Variants in DMD observed in about 807,000 individuals in gnomAD.
DMD encodes the protein mutant dystrophin.
A neutral mutation model predicts 330.1 loss-of-function variants in DMD; 63 were observed. That is an observed-to-expected ratio of 0.19 (90% confidence interval 0.16 to 0.24). The LOEUF (loss-of-function observed/expected upper bound fraction) is 0.24, where lower values mean the gene tolerates loss of function less well. Among genes scored for constraint, DMD ranks in the 10% least tolerant of loss-of-function variants. DMD has a pLI of 1.00. For synonymous variants in DMD, 1,223 were observed against 959.8 expected, an observed-to-expected ratio of 1.27 and a Z score of -5.07; for missense variants, 3,344 against 2,684.1, an observed-to-expected ratio of 1.25 and a Z score of -5.43.
chrX:32,969,208 T>TTTTCCTTTTTGAGAC (rs2092297029), intron 2 of DMD, among the ~76,000 whole-genome samples: 7 of 93,487 alleles, frequency 7.5e-5, no homozygotes, highest in South Asian at 5.5e-4. Flanking sequence ...TTCTGCTCTT[T>TTTTCCTTTTTGAGAC]ATAAACCACC....
chrX:33,105,644 TA>T lies in DMD; in HGVS notation c.32-85445del, dbSNP rs781260142. On this transcript the variant is annotated intron_variant, in intron 1 of 78. Coordinates refer to ENST00000357033, the MANE Select transcript of DMD (RefSeq NM_004006.3). ...AATATACATTTCTCAAAAGAAGATA[TA>T]CAAATGATCAACAAATACATGAAAA... Among the ~76,000 whole-genome samples the T allele has an allele frequency of 7.9e-4, 89 of 112,062 alleles. 2 individuals carry two copies. In the South Asian group the frequency reaches 8.4e-3, roughly 11 times the overall value.
intron 44 of DMD, among the ~76,000 whole-genome samples, chrX:32,137,555 A>G (rs1603626809): frequency 9.0e-6 from 1 of 111,663 alleles, no homozygotes; most frequent in Non-Finnish European, 1.9e-5. Context: ...TGAGTAAAAG[A>G]TATTCCTTCC....
intron 4 of DMD, among the ~76,000 whole-genome samples, chrX:32,827,154 G>A (rs1393209056): frequency 9.6e-6 from 1 of 104,107 alleles, no homozygotes; most frequent in Non-Finnish European, 1.9e-5. Context: ...TATATCCACA[G>A]GAAAAACAAT....
At chrX:32,706,680 C>A (rs1186874601) in intron 7 of DMD, among the ~76,000 whole-genome samples, 2 of 112,263 alleles carry the variant, frequency 1.8e-5, no homozygotes, top group African/African-American at 6.5e-5. Context: ...AAGACTGATA[C>A]ACTGAAAACT....
chrX:32,084,406 C>T (rs899459173), intron 44 of DMD, among the ~76,000 whole-genome samples: 2 of 111,385 alleles, frequency 1.8e-5, no homozygotes, highest in Non-Finnish European at 3.8e-5. Flanking sequence ...GTGCCTTTTT[C>T]AAATGTCTCT....
chrX:32,763,552 T>C (rs1277394894), intron 7 of DMD, among the ~76,000 whole-genome samples: 1 of 111,413 alleles, frequency 9.0e-6, no homozygotes, highest in African/African-American at 3.3e-5. Context: ...GTCAGTACAG[T>C]AACAACTCAT....
intron 63 of DMD, among the ~76,000 whole-genome samples, chrX:31,235,742 C>T (rs781492400): frequency 1.8e-5 from 2 of 112,584 alleles, no homozygotes; most frequent in Non-Finnish European, 3.8e-5. Context: ...TTACTCCTTA[C>T]AACCTGAGCT....
At chrX:33,128,482 T>C in intron 1 of DMD, 1 of 888,594 alleles carries the variant, frequency 1.1e-6, no homozygotes. Flanking sequence ...CGGCTCAATC[T>C]ACCTGATTAC....
chrX:32,734,754 G>A (rs1318958683), intron 7 of DMD, among the ~76,000 whole-genome samples: 9 of 109,035 alleles, frequency 8.3e-5, no homozygotes, highest in Non-Finnish European at 1.7e-4. Flanking sequence ...AGGTATTGAC[G>A]GGACATATTT....
intron 11 of DMD, among the ~76,000 whole-genome samples, chrX:32,625,784 AG>A (rs2058309351): frequency 8.9e-6 from 1 of 112,249 alleles, no homozygotes; most frequent in Non-Finnish European, 1.9e-5. Flanking sequence ...TAAAACCTAG[AG>A]GACTACAATT....
At chrX:33,060,613 A>C (rs997649433) in intron 1 of DMD, among the ~76,000 whole-genome samples, 1 of 111,079 alleles carries the variant, frequency 9.0e-6, no homozygotes, top group Non-Finnish European at 1.9e-5. Context: ...CAGGTGGATC[A>C]CCTGAGGTCT....
chrX:32,245,209 TA>T (rs1297646954), intron 43 of DMD, among the ~76,000 whole-genome samples: 4 of 96,393 alleles, frequency 4.1e-5, no homozygotes, highest in African/African-American at 1.6e-4. Flanking sequence ...CACCATTTAT[TA>T]AATAGGGAAT....
chrX:31,445,804 C>T (rs775874476), intron 59 of DMD, among the ~76,000 whole-genome samples: 1 of 111,675 alleles, frequency 9.0e-6, no homozygotes, highest in Non-Finnish European at 1.9e-5. Context: ...GAGGATATTA[C>T]CACGCCTCAT....
chrX:31,461,010 C>G (rs192065207), intron 59 of DMD, among the ~76,000 whole-genome samples: 1 of 111,254 alleles, frequency 9.0e-6, no homozygotes, highest in African/African-American at 3.3e-5. Flanking sequence ...AATAAACCAC[C>G]GTCAAAGTCT....
At position 32,450,819 on chromosome X, in the gene DMD, T is replaced by C. The variant is rs185209192; in HGVS notation, c.3604-2181A>G. On this transcript the variant is annotated intron_variant, in intron 26 of 78. Coordinates refer to ENST00000357033, the MANE Select transcript of DMD (RefSeq NM_004006.3). The stretch of plus-strand genomic sequence containing the variant: ...CAAGCAACTATATAAAAATGTAGAA[T>C]GAAGAACACTTCTTTCCATGGTTTT... Among the ~76,000 whole-genome samples the C allele has an allele frequency of 1.2e-3, 135 of 111,193 alleles. 1 individual carries two copies. The highest frequency in any genetic ancestry group is 4.3e-3 in the African/African-American group (131 of 30,808).
intron 35 of DMD, 50 bp from the exon 36 acceptor site, chrX:32,364,760 TAAAG>T (rs1200316547): frequency 1.7e-6 from 2 of 1,162,338 alleles, no homozygotes; most frequent in East Asian, 6.0e-5. Context: ...ACAATATTCT[TAAAG>T]AATTTTTCCT....
At chrX:31,916,588 C>T (rs904807187) in intron 47 of DMD, among the ~76,000 whole-genome samples, 4 of 111,768 alleles carry the variant, frequency 3.6e-5, no homozygotes, top group African/African-American at 1.3e-4. Flanking sequence ...CTAATAATAG[C>T]TAGTATTTTT....
intron 1 of DMD, among the ~76,000 whole-genome samples, chrX:33,155,891 C>T (rs967357147): frequency 4.5e-5 from 5 of 110,996 alleles, no homozygotes; most frequent in African/African-American, 1.6e-4. Context: ...CGCGCCACCA[C>T]GCTTCAGCCC....
intron 7 of DMD, among the ~76,000 whole-genome samples, chrX:32,702,835 G>C (rs887459202): frequency 4.5e-5 from 5 of 111,232 alleles, no homozygotes; most frequent in African/African-American, 1.3e-4. Context: ...CTTTGGAAAT[G>C]CCTATATACA....
Sources: gnomAD v4.1 joint callset for allele counts (sites outside exome capture counted in the v4.1 genomes callset) on GRCh38, gnomAD v4.1.1 for gene constraint, MANE v1.5 for transcripts, NCBI Gene and HGNC (gene_info 2026-07-23, HGNC 2026-07-21) for gene names.